ABLIM2: variants seen among roughly 807,000 people sequenced by gnomAD.
The protein encoded by ABLIM2 is actin-binding LIM protein 2.
Under a neutral mutation model 97.7 loss-of-function variants are expected in ABLIM2, and 53 were observed. The observed-to-expected ratio is 0.54, with a 90% CI of 0.44 to 0.68. The LOEUF (loss-of-function observed/expected upper bound fraction) is 0.68, where lower values mean the gene tolerates loss of function less well. ABLIM2 is among the 30% of genes least tolerant of loss of function. The pLI, the probability that ABLIM2 is intolerant of heterozygous loss-of-function variation, is 0.00. For synonymous variants in ABLIM2, 361 were observed against 345.8 expected, an observed-to-expected ratio of 1.04 and a Z score of -0.49; for missense variants, 835 against 867.2, an observed-to-expected ratio of 0.96 and a Z score of 0.47.
At chr4:8,038,359 A>T (rs2151512252) in intron 9 of ABLIM2, among the ~76,000 whole-genome samples, 1 of 152,112 alleles carries the variant, frequency 6.6e-6, no homozygotes, top group Admixed American at 6.5e-5. Flanking sequence ...TGCTGGGGGG[A>T]ATGCCTCTCA....
At chr4:8,108,645 C>T (rs1421396422) in intron 1 of ABLIM2, among the ~76,000 whole-genome samples, 1 of 152,242 alleles carries the variant, frequency 6.6e-6, no homozygotes, top group Non-Finnish European at 1.5e-5. Flanking sequence ...AAATACATCC[C>T]TAACCAATCA....
intron 9 of ABLIM2, 136 bp downstream of exon 9, chr4:8,045,028 G>A: frequency 4.0e-6 from 3 of 757,100 alleles, no homozygotes; most frequent in Non-Finnish European, 6.8e-6. Flanking sequence ...GCAGGGACAA[G>A]AGCAATGGCC....
rs761197111 is a variant in ABLIM2, at chr4:8,080,806, G to A, written c.455-4C>T. 97 of 1,601,624 alleles carry A rather than the reference G, an allele frequency of 6.1e-5. No homozygotes were observed. Among genetic ancestry groups the A allele is most frequent in the Non-Finnish European group, 7.6e-5 (89 of 1,172,352 alleles). ...TCTGTGCCGCAGCCCCCACAACCTGGAAGAAAGAGAAGAGAACACAGACAC... is the reference window on the plus strand; with the variant it reads ...TCTGTGCCGCAGCCCCCACAACCTGAAAGAAAGAGAAGAGAACACAGACAC... On this transcript the variant is annotated splice_region_variant and splice_polypyrimidine_tract_variant and intron_variant, in intron 4 of 20. Coordinates refer to ENST00000447017, the MANE Select transcript of ABLIM2 (RefSeq NM_001130083.2).
intron 1 of ABLIM2, among the ~76,000 whole-genome samples, chr4:8,151,015 C>G (rs1449705844): frequency 1.3e-5 from 2 of 152,210 alleles, no homozygotes; most frequent in Non-Finnish European, 2.9e-5. Context: ...CCTTGACTCT[C>G]ACTCAGCATC....
In ABLIM2 at chr4:8,127,395, C is replaced by T. The variant is rs187450110; in HGVS notation, c.11-20758G>A. Among the ~76,000 whole-genome samples, 13 of 152,334 alleles carry T rather than the reference C, an allele frequency of 8.5e-5. No individual in the cohort carries two copies. The highest frequency in any genetic ancestry group is 1.9e-4 in the African/African-American group (8 of 41,584). ...GTGGTGCCGGCGCTCATGACCTTCA[C>T]GCAGGGCACAACTTGACTGGACCCG... On this transcript the variant is annotated intron_variant, in intron 1 of 20. Transcript: ENST00000447017. This position sits in a 1 kb window ranked among gnomAD's most constrained non-coding sequence, Gnocchi z 7.3.
At chr4:8,057,662 C>T (rs74384806) in intron 7 of ABLIM2, among the ~76,000 whole-genome samples, 2,936 of 152,280 alleles carry the variant, frequency 0.019, 59 homozygotes, top group Admixed American at 0.057. Flanking sequence ...TATTTTAATA[C>T]GGGCATCTTA....
In ABLIM2 at chr4:8,019,642, T is replaced by A; in HGVS notation, c.1399A>T (p.Lys467Ter). The stretch of plus-strand genomic sequence containing the variant: ...CCATGCTGTCTGTAGATAGGGGGTT[T>A]CCTATAGATGTTATCTTTTACGCCA... ...DTGVKDNIYRKPPIYRQHAAR... is the reference protein window; with the variant it reads ...DTGVKDNIYR The change falls in exon 14 of 21, where the codon AAA (lysine) becomes TAA (stop). Residue 467 changes from lysine (K) to a stop codon, truncating the protein, a stop_gained. Coordinates refer to ENST00000447017, the MANE Select transcript of ABLIM2 (RefSeq NM_001130083.2). LOFTEE classifies it high-confidence loss of function. The surrounding 1 kb of genome is among the most constrained non-coding windows in gnomAD (Gnocchi z 4.3). 6.2e-7 allele frequency: 1 copy of A among 1,612,328 alleles called. No individual in the cohort carries two copies. Among genetic ancestry groups the A allele is most frequent in the South Asian group, 1.1e-5 (1 of 90,664 alleles).
intron 14 of ABLIM2, among the ~76,000 whole-genome samples, chr4:8,017,494 C>T (rs557872536): frequency 1.3e-5 from 2 of 151,746 alleles, no homozygotes; most frequent in Non-Finnish European, 2.9e-5. Context: ...CACTGTGTTG[C>T]CCAGGCTGGT....
At chr4:7,980,315 A>G (rs1286810172) in intron 20 of ABLIM2, among the ~76,000 whole-genome samples, 1 of 152,232 alleles carries the variant, frequency 6.6e-6, no homozygotes, top group Non-Finnish European at 1.5e-5. Context: ...GCCATAAGAT[A>G]CCAAATTCCT....
intron 6 of ABLIM2, among the ~76,000 whole-genome samples, chr4:8,062,500 C>T (rs1028237313): frequency 1.9e-4 from 29 of 150,890 alleles, no homozygotes; most frequent in Admixed American, 9.3e-4. Flanking sequence ...AGTGCAGTGG[C>T]GCGATCTTGG....
In ABLIM2 at chr4:7,994,749, C is replaced by A. The variant is rs1201803128; in HGVS notation, c.1619-1822G>T. ...AAGTGTTCCTATTTCTCCGCATCCTCTCCAGCACCTGTTGTTTCCTGACTT... is the reference window on the plus strand; with the variant it reads ...AAGTGTTCCTATTTCTCCGCATCCTATCCAGCACCTGTTGTTTCCTGACTT... On this transcript the variant is annotated intron_variant, in intron 16 of 20. Coordinates refer to ENST00000447017, the MANE Select transcript of ABLIM2 (RefSeq NM_001130083.2). Among the ~76,000 whole-genome samples, 3 of 116,948 alleles carry A rather than the reference C, an allele frequency of 2.6e-5. 1 individual carries two copies. In the East Asian group the frequency reaches 6.6e-4, roughly 26 times the overall value. The allele number at this position is 116,948 out of a possible 152,430, so 76.7% of individuals were successfully genotyped here.
rs547110161 is a variant in ABLIM2, at chr4:8,052,418, G to T, written c.822+1770C>A. ...AGGGTAGCTTGTAGAATGAATCATG[G>T]ACTGCAGCAGCTATTTGAGAGGACA... is the stretch of plus-strand genomic sequence containing the variant. On this transcript the variant is annotated intron_variant, in intron 8 of 20. Coordinates refer to ENST00000447017, the MANE Select transcript of ABLIM2 (RefSeq NM_001130083.2). Among the ~76,000 whole-genome samples, 4 of 152,348 alleles carry T rather than the reference G, an allele frequency of 2.6e-5. No homozygotes were observed. In the South Asian group the frequency reaches 8.3e-4, roughly 32 times the overall value.
rs1261481949 is a variant in ABLIM2 at position 8,149,497 on chromosome 4, GT to G, written c.10+9182del. On this transcript the variant is annotated intron_variant, in intron 1 of 20. Transcript: ENST00000447017. The surrounding 1 kb of genome is among the most constrained non-coding windows in gnomAD (Gnocchi z 6.4). ...ACCCCAGCTTGGTCTGTGTCCACAG[GT>G]TCAGAGGAAGGAGGGAAGCAGAGGG... Among the ~76,000 whole-genome samples, 1 of 151,946 alleles carries G rather than the reference GT, an allele frequency of 6.6e-6. No homozygotes were observed. Among genetic ancestry groups the G allele is most frequent in the Non-Finnish European group, 1.5e-5 (1 of 67,990 alleles).
rs1290167622 is a variant in ABLIM2, at chr4:7,970,928, G to A, written c.1825-3825C>T. Among the ~76,000 whole-genome samples the A allele has an allele frequency of 1.3e-5, 2 of 152,030 alleles. No individual in the cohort carries two copies. Among genetic ancestry groups the A allele is most frequent in the African/African-American group, 2.4e-5 (1 of 41,408 alleles). On this transcript the variant is annotated intron_variant, in intron 20 of 20. Coordinates refer to ENST00000447017, the MANE Select transcript of ABLIM2 (RefSeq NM_001130083.2). The surrounding 1 kb of genome is among the most constrained non-coding windows in gnomAD (Gnocchi z 5.3). ...GGCCAGGGGTCTAGGGGGCTGACAG[G>A]GACCACCTCCCCGCAGGCTCCAGTC...
At chr4:8,129,051 T>C (rs1848968538) in intron 1 of ABLIM2, among the ~76,000 whole-genome samples, 1 of 151,982 alleles carries the variant, frequency 6.6e-6, no homozygotes, top group African/African-American at 2.4e-5. Flanking sequence ...CCAACTGGGC[T>C]GCCAGCACCC....
intron 4 of ABLIM2, among the ~76,000 whole-genome samples, chr4:8,086,736 G>T (rs2152501534): frequency 6.6e-6 from 1 of 152,128 alleles, no homozygotes; most frequent in African/African-American, 2.4e-5. Context: ...TAGAGCTTTT[G>T]ATTACTATCT....
chr4:8,091,839 A>ATTATATATACAAT (rs1387368765), intron 3 of ABLIM2, among the ~76,000 whole-genome samples: 2 of 90,402 alleles, frequency 2.2e-5, no homozygotes, highest in Non-Finnish European at 4.3e-5. Flanking sequence ...TAAATAATAT[A>ATTATATATACAAT]ATATATTATT....
In ABLIM2 at chr4:8,032,692, A is replaced by G; in HGVS notation, c.1048-2916T>C. 1 of 1,612,492 alleles carries G rather than the reference A, an allele frequency of 6.2e-7. No homozygotes were observed. Among genetic ancestry groups the G allele is most frequent in the Non-Finnish European group, 8.5e-7 (1 of 1,179,796 alleles). On this transcript the variant is annotated intron_variant, in intron 10 of 20. Coordinates refer to ENST00000447017, the MANE Select transcript of ABLIM2 (RefSeq NM_001130083.2). The surrounding 1 kb of genome is among the most constrained non-coding windows in gnomAD (Gnocchi z 4.3). Reference sequence around the variant, plus strand: ...AGCAACTGAGGGGACTGTGGACACAACACACAAAGTGGCCATTAGTGCTGG... The same window carrying G: ...AGCAACTGAGGGGACTGTGGACACAGCACACAAAGTGGCCATTAGTGCTGG...
chr4:8,007,160 G>A (rs1762000057), intron 16 of ABLIM2: 2 of 985,410 alleles, frequency 2.0e-6, no homozygotes, highest in African/African-American at 1.7e-5. Flanking sequence ...GCATGAGGAT[G>A]AGGATGAGGA....
Sources: gnomAD v4.1 joint callset for allele counts (sites outside exome capture counted in the v4.1 genomes callset) on GRCh38, gnomAD v4.1.1 for gene constraint, Gnocchi (gnomAD v3.1) non-coding constraint, MANE v1.5 for transcripts, NCBI Gene and HGNC (gene_info 2026-07-23, HGNC 2026-07-21) for gene names.